The following MEF2A variants were observed in gnomAD, a reference collection of about 807,000 sequenced individuals.
MEF2A encodes the protein myocyte-specific enhancer factor 2A.
MEF2A carries 28 observed loss-of-function variants against 55.8 expected under a neutral mutation model. The ratio of observed to expected loss-of-function variants is 0.50; its 90% CI spans 0.37 to 0.69. The LOEUF is 0.69. Among genes scored for constraint, MEF2A ranks in the 30% least tolerant of loss-of-function variants. The pLI is 0.00. For missense variants in MEF2A, 528 were observed against 626.2 expected (o/e 0.84, Z 1.67); for synonymous variants, 239 against 227.1 (o/e 1.05, Z -0.47).
At chr15:99,635,821 C>A (rs1383786649) in intron 3 of MEF2A, among the ~76,000 whole-genome samples, 1 of 151,976 alleles carries the variant, frequency 6.6e-6, no homozygotes. Flanking sequence ...TATGTATTTA[C>A]TTTTTTCTAT....
chr15:99,594,159 A>G (rs1218509382), intron 1 of MEF2A, among the ~76,000 whole-genome samples: 1 of 152,234 alleles, frequency 6.6e-6, no homozygotes, highest in Non-Finnish European at 1.5e-5. Flanking sequence ...GATGCCAACT[A>G]CAAGTCCCTG....
At chr15:99,669,043 T>A (rs1278628401) in intron 4 of MEF2A, among the ~76,000 whole-genome samples, 1 of 152,192 alleles carries the variant, frequency 6.6e-6, no homozygotes, top group Non-Finnish European at 1.5e-5. Flanking sequence ...GCACTTTCCT[T>A]CCTCATAAAT....
Position 99,590,318 on chromosome 15 carries a change from T to C in MEF2A, c.-224-8112T>C, listed in dbSNP as rs139281512. On this transcript the variant is annotated intron_variant, in intron 1 of 11. Coordinates refer to ENST00000557942, the MANE Select transcript of MEF2A (RefSeq NM_001319206.4). ...TTTTAGGATTAATGTTTATATGATA[T>C]ATCCTTTTCTATTTTATGTTTCCTA... 2.5e-4 allele frequency among the ~76,000 whole-genome samples: 37 copies of C among 149,804 alleles called. No homozygotes were observed. In the East Asian group the frequency reaches 6.4e-3, roughly 26 times the overall value.
At chr15:99,603,371 A>C (rs1567205873) in intron 2 of MEF2A, among the ~76,000 whole-genome samples, 1 of 145,708 alleles carries the variant, frequency 6.9e-6, no homozygotes, top group Non-Finnish European at 1.5e-5. Flanking sequence ...TGTGTTAGTA[A>C]AATTTTTTTT....
intron 8 of MEF2A, among the ~76,000 whole-genome samples, chr15:99,693,399 C>T (rs2153731265): frequency 6.6e-6 from 1 of 152,168 alleles, no homozygotes; most frequent in East Asian, 1.9e-4. Context: ...ATAATTACTA[C>T]TGCCAACACA....
chr15:99,639,574 T>G (rs1017734352), intron 3 of MEF2A, among the ~76,000 whole-genome samples: 1 of 152,230 alleles, frequency 6.6e-6, no homozygotes, highest in Non-Finnish European at 1.5e-5. Context: ...TGGGTAAAAG[T>G]TGCTCTGTGA....
At chr15:99,675,864 C>G (rs1222686034) in intron 7 of MEF2A, among the ~76,000 whole-genome samples, 1 of 151,980 alleles carries the variant, frequency 6.6e-6, no homozygotes, top group Non-Finnish European at 1.5e-5. Flanking sequence ...ACTGTGAAAC[C>G]CTGTCTCTAC....
intron 8 of MEF2A, among the ~76,000 whole-genome samples, chr15:99,700,293 G>A (rs566044869): frequency 5.1e-4 from 76 of 147,644 alleles, no homozygotes; most frequent in African/African-American, 1.8e-3. Flanking sequence ...GCGGGCAGAT[G>A]TTGAGCTCAG....
intron 1 of MEF2A, among the ~76,000 whole-genome samples, chr15:99,595,004 G>A (rs1220446840): frequency 6.6e-6 from 1 of 152,092 alleles, no homozygotes; most frequent in Non-Finnish European, 1.5e-5. Context: ...GCTATAGTAG[G>A]CATTCATTTT....
intron 8 of MEF2A, among the ~76,000 whole-genome samples, chr15:99,691,729 A>G (rs1369453719): frequency 6.6e-6 from 1 of 151,056 alleles, no homozygotes; most frequent in Non-Finnish European, 1.5e-5. Flanking sequence ...TCTGCATACC[A>G]CAGAACTATT....
At chr15:99,662,478 C>CTTT (rs1182648424) in intron 4 of MEF2A, among the ~76,000 whole-genome samples, 3 of 142,128 alleles carry the variant, frequency 2.1e-5, no homozygotes, top group East Asian at 4.0e-4. Context: ...CTTTTTTCCT[C>CTTT]TTTTTTTTTT....
chr15:99,645,001 G>T (rs1567310246), intron 3 of MEF2A, among the ~76,000 whole-genome samples: 1 of 151,140 alleles, frequency 6.6e-6, no homozygotes, highest in Non-Finnish European at 1.5e-5. Flanking sequence ...AAATTTTTTG[G>T]GGGGGTCTCT....
intron 1 of MEF2A, among the ~76,000 whole-genome samples, chr15:99,582,503 A>G (rs1966225882): frequency 6.6e-6 from 1 of 152,070 alleles, no homozygotes; most frequent in African/African-American, 2.4e-5. Context: ...ACCTTATACT[A>G]AGGTAATAGA....
chr15:99,642,879 T>A (rs892293914), intron 3 of MEF2A, among the ~76,000 whole-genome samples: 1 of 152,206 alleles, frequency 6.6e-6, no homozygotes, highest in African/African-American at 2.4e-5. Context: ...AATTTGTAGT[T>A]AGGGATTCTT....
At chr15:99,675,350 A>C in intron 6 of MEF2A, 49 bp from the exon 7 acceptor site, 1 of 1,467,334 alleles carries the variant, frequency 6.8e-7, no homozygotes, top group Non-Finnish European at 9.6e-7. Context: ...AAAGAGAGCT[A>C]ATTCATATTC....
At chr15:99,565,652 ATCT>A (rs1959168259), upstream of MEF2A, 2 of 152,454 alleles carry the variant, frequency 1.3e-5, no homozygotes, top group African/African-American at 2.4e-5. Flanking sequence ...AGCCGCCGTC[ATCT>A]TCTTCCTGTG....
At chr15:99,629,236 C>T (rs947967207) in intron 2 of MEF2A, among the ~76,000 whole-genome samples, 14 of 152,012 alleles carry the variant, frequency 9.2e-5, no homozygotes, top group Non-Finnish European at 5.9e-5. Context: ...AGATCGAGAC[C>T]GTCCTGGTGT....
chr15:99,615,846 A>G (rs757824059), intron 2 of MEF2A, among the ~76,000 whole-genome samples: 37 of 152,238 alleles, frequency 2.4e-4, no homozygotes, highest in Non-Finnish European at 4.6e-4. Context: ...ATTTACATCA[A>G]CATTCACATG....
At chr15:99,705,597 G>A (rs895702843) in intron 9 of MEF2A, among the ~76,000 whole-genome samples, 1 of 152,164 alleles carries the variant, frequency 6.6e-6, no homozygotes, top group Non-Finnish European at 1.5e-5. Flanking sequence ...TCTAACCTAG[G>A]TTAGAAAGTA....
Sources: allele counts gnomAD v4.1 joint callset (sites outside exome capture counted in the v4.1 genomes callset), GRCh38; gene constraint gnomAD v4.1.1; transcripts MANE v1.5; gene names NCBI Gene and HGNC (gene_info 2026-07-23, HGNC 2026-07-21).